Variants in SLCO2A1 observed in about 807,000 individuals in gnomAD.
SLCO2A1 encodes the protein matrin F/G 1.
In SLCO2A1, 60 loss-of-function variants were observed where a neutral mutation model predicts 71.7. The ratio of observed to expected loss-of-function variants is 0.84; its 90% confidence interval spans 0.68 to 1.04. The LOEUF (loss-of-function observed/expected upper bound fraction) is 1.04, where lower values mean the gene tolerates loss of function less well. SLCO2A1 is among the 50% of genes least tolerant of loss of function. The pLI, the probability that SLCO2A1 is intolerant of heterozygous loss-of-function variation, is 0.00. For synonymous variants in SLCO2A1, 308 were observed against 326.7 expected, an observed-to-expected ratio of 0.94 and a Z score of 0.62; for missense variants, 745 against 813.4, an observed-to-expected ratio of 0.92 and a Z score of 1.02.
Position 133,942,600 on chromosome 3 carries a change from C to T in SLCO2A1, c.1625+5G>A, listed in dbSNP as rs992600618. The stretch of plus-strand genomic sequence containing the variant: ...GCCCCAGACTCACAGAGGTTTGCCA[C>T]TCACCGCAGAACCATCATGTAGAGG... On this transcript the variant is annotated splice_donor_5th_base_variant and intron_variant, in intron 11 of 13. Transcript: ENST00000310926. 1 of 1,603,092 alleles carries T rather than the reference C, an allele frequency of 6.2e-7. No individual in the cohort carries two copies. Among genetic ancestry groups the T allele is most frequent in the Non-Finnish European group, 8.5e-7 (1 of 1,174,102 alleles).
At chr3:134,020,125 C>A (rs1935540492) in intron 1 of SLCO2A1, among the ~76,000 whole-genome samples, 1 of 152,028 alleles carries the variant, frequency 6.6e-6, no homozygotes, top group Non-Finnish European at 1.5e-5. Context: ...TGCATGCAGC[C>A]CCCAGTCACG....
At chr3:133,959,273 T>A (rs1469462132) in intron 3 of SLCO2A1, among the ~76,000 whole-genome samples, 1 of 152,108 alleles carries the variant, frequency 6.6e-6, no homozygotes, top group Admixed American at 6.5e-5. Flanking sequence ...GCACAGGTAC[T>A]GTGCCTAACA....
At chr3:133,972,036 TG>T (rs1934338984) in intron 3 of SLCO2A1, among the ~76,000 whole-genome samples, 1 of 151,818 alleles carries the variant, frequency 6.6e-6, no homozygotes, top group African/African-American at 2.4e-5. Context: ...CATAAAACAA[TG>T]GGAGGATTAA....
At chr3:134,018,682 C>T (rs1935511429) in intron 1 of SLCO2A1, among the ~76,000 whole-genome samples, 1 of 152,118 alleles carries the variant, frequency 6.6e-6, no homozygotes, top group South Asian at 2.1e-4. Context: ...TCAGTTTGGT[C>T]CCAAGGGCAA....
At chr3:133,975,799 C>T (rs2108056348) in intron 2 of SLCO2A1, among the ~76,000 whole-genome samples, 1 of 152,296 alleles carries the variant, frequency 6.6e-6, no homozygotes, top group South Asian at 2.1e-4. Flanking sequence ...GGCCTCTGCT[C>T]AGATTGAATC....
intron 1 of SLCO2A1, among the ~76,000 whole-genome samples, chr3:133,988,016 CT>C (rs1646579598): frequency 6.6e-6 from 1 of 152,228 alleles, no homozygotes; most frequent in East Asian, 1.9e-4. Flanking sequence ...CTCACCCTCA[CT>C]GAGTGTAAAC....
At chr3:133,953,897 C>A (rs1432077899) in intron 4 of SLCO2A1, 136 bp from the exon 5 acceptor site, 4 of 677,836 alleles carry the variant, frequency 5.9e-6, no homozygotes, top group Non-Finnish European at 1.1e-5. Context: ...CCTGTGGCAT[C>A]TCCCACCAGC....
intron 1 of SLCO2A1, among the ~76,000 whole-genome samples, chr3:133,986,669 G>A (rs1436033825): frequency 2.0e-5 from 3 of 152,182 alleles, no homozygotes; most frequent in South Asian, 2.1e-4. Flanking sequence ...TTTACCACCC[G>A]TGTCAAAGAG....
At chr3:133,953,370 G>A (rs34087836) in intron 5 of SLCO2A1, among the ~76,000 whole-genome samples, 16,862 of 152,254 alleles carry the variant, frequency 0.11, 1,281 homozygotes, top group Non-Finnish European at 0.16. Flanking sequence ...CAAGATGGGC[G>A]CTGTGGTGGC....
At chr3:133,992,258 C>T (rs987796273) in intron 1 of SLCO2A1, among the ~76,000 whole-genome samples, 1 of 152,128 alleles carries the variant, frequency 6.6e-6, no homozygotes, top group Non-Finnish European at 1.5e-5. Context: ...CTTAAAAAAG[C>T]CTTTGATAAG....
At chr3:133,996,503 C>T (rs1263996178) in intron 1 of SLCO2A1, among the ~76,000 whole-genome samples, 1 of 152,224 alleles carries the variant, frequency 6.6e-6, no homozygotes, top group African/African-American at 2.4e-5. Flanking sequence ...TCCGGAGTCA[C>T]ACATGCTACA....
At chr3:133,967,501 C>T (rs1482214043) in intron 3 of SLCO2A1, among the ~76,000 whole-genome samples, 2 of 152,166 alleles carry the variant, frequency 1.3e-5, no homozygotes, top group African/African-American at 4.8e-5. Context: ...TATTTCTATT[C>T]TTTCCTACAC....
chr3:133,935,672 T>C, intron 13 of SLCO2A1, 102 bp downstream of exon 13: 1 of 1,358,936 alleles, frequency 7.4e-7, no homozygotes, highest in Non-Finnish European at 9.7e-7. Context: ...GTTCTCTTCC[T>C]TGGAAGCCTG....
chr3:134,020,993 G>C (rs184185349), intron 1 of SLCO2A1, among the ~76,000 whole-genome samples: 2 of 152,164 alleles, frequency 1.3e-5, no homozygotes, highest in Admixed American at 6.5e-5. Flanking sequence ...TTGAGTGGAA[G>C]CGTGGCCTCA....
intron 1 of SLCO2A1, among the ~76,000 whole-genome samples, chr3:133,998,441 G>C (rs1333933365): frequency 6.6e-6 from 1 of 152,098 alleles, no homozygotes; most frequent in Non-Finnish European, 1.5e-5. Flanking sequence ...TTGCCTTTGG[G>C]CTCCACTCCC....
chr3:133,947,551 G>A, intron 8 of SLCO2A1, 106 bp from the exon 9 acceptor site: 1 of 930,144 alleles, frequency 1.1e-6, no homozygotes, highest in Non-Finnish European at 1.6e-6. Context: ...CTTCAGGAAG[G>A]AACATTTGGT....
At chr3:133,960,982 G>T (rs1465075045) in intron 3 of SLCO2A1, among the ~76,000 whole-genome samples, 2 of 152,030 alleles carry the variant, frequency 1.3e-5, no homozygotes, top group Non-Finnish European at 2.9e-5. Context: ...ATGAATAAAG[G>T]TCAGTGAGGC....
At chr3:134,021,418 G>A (rs1217977516) in intron 1 of SLCO2A1, among the ~76,000 whole-genome samples, 2 of 152,190 alleles carry the variant, frequency 1.3e-5, no homozygotes, top group African/African-American at 4.8e-5. Flanking sequence ...TTTCAAAGGT[G>A]TGGCCCAAGG....
At chr3:134,000,950 A>T (rs1055514679) in intron 1 of SLCO2A1, among the ~76,000 whole-genome samples, 7 of 152,194 alleles carry the variant, frequency 4.6e-5, no homozygotes, top group Non-Finnish European at 8.8e-5. Context: ...AGCCGCAAGG[A>T]TACCTGTTCC....
Sources: gnomAD v4.1 joint callset for allele counts (sites outside exome capture counted in the v4.1 genomes callset) on GRCh38, gnomAD v4.1.1 for gene constraint, MANE v1.5 for transcripts, NCBI Gene and HGNC (gene_info 2026-07-23, HGNC 2026-07-21) for gene names.